Variants in LSP1 observed in about 807,000 individuals in gnomAD.
LSP1 encodes lymphocyte-specific protein 1.
Under a neutral mutation model 49.3 loss-of-function variants are expected in LSP1, and 32 were observed. The observed-to-expected ratio is 0.65, with a 90% CI of 0.49 to 0.87. The LOEUF (loss-of-function observed/expected upper bound fraction) is 0.87. LSP1 is among the 40% of genes least tolerant of loss of function. The pLI is 0.00. For missense variants in LSP1, 428 were observed against 442.6 expected, an observed-to-expected ratio of 0.97 and a Z score of 0.30; for synonymous variants, 179 against 178.8, an observed-to-expected ratio of 1.00 and a Z score of -0.01.
intron 1 of LSP1, chr11:1,868,559 C>T (rs1012527615): frequency 9.4e-6 from 7 of 747,542 alleles, no homozygotes; most frequent in Admixed American, 6.3e-5. Flanking sequence ...GCTGGGCTGG[C>T]CCTGAGGGGG....
chr11:1,879,228 C>T (rs765279734), intron 1 of LSP1, among the ~76,000 whole-genome samples: 2 of 152,130 alleles, frequency 1.3e-5, no homozygotes, highest in African/African-American at 4.8e-5. Context: ...GCCTGTAATC[C>T]CAGCTACTCA....
In LSP1 at chr11:1,884,691, C is replaced by T; in HGVS notation, c.717+110C>T. ...CAGTGCCGCCTTATTCAACCAACACCCTATCCAACCAATGCTTCTCCATCC... is the reference window on the plus strand; with the variant it reads ...CAGTGCCGCCTTATTCAACCAACACTCTATCCAACCAATGCTTCTCCATCC... On this transcript the variant is annotated intron_variant, in intron 7 of 10. Transcript: ENST00000311604. The surrounding 1 kb of genome is among the most constrained non-coding windows in gnomAD (Gnocchi z 4.1). 1.2e-6 allele frequency: 1 copy of T among 843,616 alleles called. No homozygotes were observed. The highest frequency in any genetic ancestry group is 1.5e-5 in the South Asian group (1 of 64,746). The allele number at this position is 843,616 out of a possible 1,614,324, so 52.3% of individuals were successfully genotyped here.
chr11:1,879,991 T>A, intron 1 of LSP1, 96 bp from the exon 2 acceptor site: 1 of 1,462,822 alleles, frequency 6.8e-7, no homozygotes, highest in Non-Finnish European at 9.4e-7. Flanking sequence ...GCCTGCACCG[T>A]GTGGCCCCAG....
intron 1 of LSP1, chr11:1,876,724 G>C (rs1848325461): frequency 1.2e-6 from 1 of 814,030 alleles, no homozygotes; most frequent in African/African-American, 1.9e-5. Flanking sequence ...AGTGGGGGTG[G>C]GGGTTTGTGG....
chr11:1,869,780 G>A (rs899327101), intron 1 of LSP1: 8 of 429,566 alleles, frequency 1.9e-5, no homozygotes, highest in East Asian at 7.9e-5. Context: ...AAAATGGGGC[G>A]CCCCACAGAG....
chr11:1,868,090 C>T (rs927201884), intron 1 of LSP1, among the ~76,000 whole-genome samples: 8 of 152,330 alleles, frequency 5.3e-5, no homozygotes, highest in East Asian at 1.9e-4. Flanking sequence ...AGGGCCAGCT[C>T]GGGCAAGGCA....
At chr11:1,887,203 C>G (rs768808993) in intron 8 of LSP1, 34 bp from the exon 9 acceptor site, 43 of 1,412,040 alleles carry the variant, frequency 3.0e-5, no homozygotes, top group Non-Finnish European at 3.6e-5. Context: ...ATCCAGGGGT[C>G]TGCCCTTGTG....
Position 1,884,221 on chromosome 11 carries a change from A to T in LSP1, c.592-59A>T, listed in dbSNP as rs770783311. The T allele has an allele frequency of 6.3e-7, 1 of 1,593,928 alleles. No homozygotes were observed. The highest frequency in any genetic ancestry group is 8.6e-7 in the Non-Finnish European group (1 of 1,161,966). On this transcript the variant is annotated intron_variant, in intron 5 of 10. Coordinates refer to ENST00000311604, the MANE Select transcript of LSP1 (RefSeq NM_002339.3). The surrounding 1 kb of genome is among the most constrained non-coding windows in gnomAD (Gnocchi z 4.1). Reference sequence around the variant, plus strand: ...ATTAGTGGTTGGAGTAGCTGGGGAGATGGAGGGTGGGCTTTACCTCGGCTG... The same window carrying T: ...ATTAGTGGTTGGAGTAGCTGGGGAGTTGGAGGGTGGGCTTTACCTCGGCTG...
chr11:1,890,038 T>C, intron 10 of LSP1: 1 of 697,862 alleles, frequency 1.4e-6, no homozygotes. Context: ...GCCAGCTGGA[T>C]GTGCACCTGG....
chr11:1,861,235 A>G lies in LSP1; in HGVS notation c.53+8038A>G, dbSNP rs373737313. Among the ~76,000 whole-genome samples, 16 of 152,356 alleles carry G rather than the reference A, an allele frequency of 1.1e-4. No homozygotes were observed. The East Asian group carries it at 3.1e-3, about 29-fold the overall frequency. On this transcript the variant is annotated intron_variant, in intron 1 of 10. Transcript: ENST00000311604. ...TTATTTCCATGAGGCTATCATACGTAAAATATCAATCCCCTCCAGAACTCC... is the reference window on the plus strand; with the variant it reads ...TTATTTCCATGAGGCTATCATACGTGAAATATCAATCCCCTCCAGAACTCC...
At position 1,853,182 on chromosome 11, in the gene LSP1, G is replaced by A. The variant is rs748208610; in HGVS notation, c.38G>A (p.Arg13Gln). ...TCGAGTGACCCGGGTGCCGAGGAGCGGGAAGAGTTGCTGGGGTAAGGGTCT... is the reference window on the plus strand; with the variant it reads ...TCGAGTGACCCGGGTGCCGAGGAGCAGGAAGAGTTGCTGGGGTAAGGGTCT... ...EASSDPGAEE[R>Q]EELLGPTAQW... is the part of the protein sequence containing the mutation. Residue 13 changes from arginine to glutamine, a missense_variant, in exon 1 of 11, where the codon CGG becomes CAG. Transcript: ENST00000311604. The A allele has an allele frequency of 1.3e-5, 21 of 1,611,082 alleles. No individual in the cohort carries two copies. The highest frequency in any genetic ancestry group is 1.1e-4 in the East Asian group (5 of 44,748).
intron 1 of LSP1, chr11:1,871,526 CA>C (rs1017307161): frequency 4.2e-5 from 40 of 961,242 alleles, no homozygotes; most frequent in Non-Finnish European, 4.5e-5. Flanking sequence ...AATGGGAAGC[CA>C]GGGGTAGAGG....
At chr11:1,875,076 G>A (rs1181959162) in intron 1 of LSP1, among the ~76,000 whole-genome samples, 1 of 148,918 alleles carries the variant, frequency 6.7e-6, no homozygotes, top group Non-Finnish European at 1.5e-5. Flanking sequence ...TCCCAGCTCG[G>A]CCATGGGGGC....
chr11:1,879,645 G>A (rs937973029), intron 1 of LSP1, among the ~76,000 whole-genome samples: 6 of 152,234 alleles, frequency 3.9e-5, no homozygotes, highest in Non-Finnish European at 7.3e-5. Flanking sequence ...GCCGCCTGGC[G>A]GTGGGCTGCG....
intron 1 of LSP1, chr11:1,866,340 T>G: frequency 2.5e-6 from 2 of 801,502 alleles, no homozygotes; most frequent in Admixed American, 3.0e-5. Flanking sequence ...AGGCACTCAG[T>G]GCTGAGACTC....
chr11:1,880,030 T>C, intron 1 of LSP1, 57 bp from the exon 2 acceptor site: 3 of 1,589,312 alleles, frequency 1.9e-6, no homozygotes, highest in South Asian at 1.1e-5. Context: ...GAGGAATGGG[T>C]GCAAAACAGC....
At chr11:1,862,086 G>C (rs1589807358) in intron 1 of LSP1, among the ~76,000 whole-genome samples, 1 of 152,088 alleles carries the variant, frequency 6.6e-6, no homozygotes, top group East Asian at 1.9e-4. Flanking sequence ...CGGATGCATG[G>C]ATGAGTGGAT....
chr11:1,890,402 G>A (rs541168860), intron 10 of LSP1: 123 of 717,174 alleles, frequency 1.7e-4, no homozygotes, highest in South Asian at 2.5e-4. Context: ...AGGTGCGGAA[G>A]GCCCTGGGTG....
intron 1 of LSP1, among the ~76,000 whole-genome samples, chr11:1,862,138 G>GGATGGATGAACT (rs1434015136): frequency 6.6e-6 from 1 of 152,110 alleles, no homozygotes; most frequent in African/African-American, 2.4e-5. Context: ...TGGGTAAAAT[G>GGATGGATGAACT]GATGGATGAA....
Sources: gnomAD v4.1 joint callset for allele counts (sites outside exome capture counted in the v4.1 genomes callset) on GRCh38, gnomAD v4.1.1 for gene constraint, Gnocchi (gnomAD v3.1) non-coding constraint, MANE v1.5 for transcripts, NCBI Gene and HGNC (gene_info 2026-07-23, HGNC 2026-07-21) for gene names.